Variants in LPP observed in about 807,000 individuals in gnomAD.
The protein encoded by LPP is lipoma-preferred partner.
In LPP, 38 loss-of-function variants were observed where a neutral mutation model predicts 60.4. That is an observed-to-expected ratio of 0.63 (90% confidence interval 0.49 to 0.83). LPP has a LOEUF of 0.83. LPP is among the 40% of genes least tolerant of loss of function. The pLI, the probability that LPP is intolerant of heterozygous loss-of-function variation, is 0.00. For synonymous variants in LPP, 328 were observed against 290.8 expected, an observed-to-expected ratio of 1.13 and a Z score of -1.30; for missense variants, 902 against 783.6, an observed-to-expected ratio of 1.15 and a Z score of -1.80.
At chr3:188,564,755 A>G (rs1252763313) in intron 6 of LPP, among the ~76,000 whole-genome samples, 1 of 151,944 alleles carries the variant, frequency 6.6e-6, no homozygotes, top group Non-Finnish European at 1.5e-5. Context: ...TGAGGACACA[A>G]CAGCAGCTGA....
At chr3:188,415,433 G>C (rs566978821) in intron 4 of LPP, among the ~76,000 whole-genome samples, 9 of 151,768 alleles carry the variant, frequency 5.9e-5, no homozygotes, top group East Asian at 3.9e-4. Context: ...ATACCCTTTG[G>C]CATTTAATCC....
chr3:188,325,586 C>T (rs1313251718), intron 2 of LPP, among the ~76,000 whole-genome samples: 1 of 151,966 alleles, frequency 6.6e-6, no homozygotes, highest in African/African-American at 2.4e-5. Flanking sequence ...CTTTTGTTTT[C>T]TTTATGTACA....
At chr3:188,738,221 C>T (rs1438070037) in intron 8 of LPP, among the ~76,000 whole-genome samples, 3 of 152,094 alleles carry the variant, frequency 2.0e-5, no homozygotes, top group Non-Finnish European at 2.9e-5. Flanking sequence ...TGATGATGAT[C>T]GGTCACGTTG....
intron 5 of LPP, among the ~76,000 whole-genome samples, chr3:188,498,889 T>A (rs906777079): frequency 3.3e-5 from 5 of 152,226 alleles, no homozygotes; most frequent in Admixed American, 2.0e-4. Flanking sequence ...TTTGCATTTC[T>A]CTAATGATTA....
At position 188,813,895 on chromosome 3, in the gene LPP, C is replaced by T. The variant is rs541899071; in HGVS notation, c.1411-52305C>T. Among the ~76,000 whole-genome samples, 9 of 152,120 alleles carry T rather than the reference C, an allele frequency of 5.9e-5. No homozygotes were observed. In the South Asian group the frequency reaches 1.2e-3, roughly 21 times the overall value. Reference sequence around the variant, plus strand: ...GACCAGCCTGGCCAACATGGTGAAACCCTGTCTCTACTAAAAACACAAAAA... The same window carrying T: ...GACCAGCCTGGCCAACATGGTGAAATCCTGTCTCTACTAAAAACACAAAAA... On this transcript the variant is annotated intron_variant, in intron 9 of 11. Transcript: ENST00000617246.
intron 4 of LPP, among the ~76,000 whole-genome samples, chr3:188,456,148 A>G: frequency 6.6e-6 from 1 of 152,174 alleles, no homozygotes; most frequent in Non-Finnish European, 1.5e-5. Context: ...CTCCCCAACC[A>G]CTGCGATTAC....
At position 188,816,480 on chromosome 3, in the gene LPP, C is replaced by T. The variant is rs578194497; in HGVS notation, c.1411-49720C>T. On this transcript the variant is annotated intron_variant, in intron 9 of 11. Transcript: ENST00000617246. ...CCTCCCAAAGTGCTGGGATTACAGG[C>T]GTGAGCCACCATGCCCGGCCTGAAT... Among the ~76,000 whole-genome samples the T allele has an allele frequency of 3.2e-4, 49 of 152,274 alleles. 1 individual carries two copies. Among genetic ancestry groups the T allele is most frequent in the Non-Finnish European group, 5.3e-4 (36 of 68,010 alleles).
At chr3:188,538,013 A>G (rs1346946343) in intron 6 of LPP, among the ~76,000 whole-genome samples, 2 of 152,208 alleles carry the variant, frequency 1.3e-5, no homozygotes, top group Non-Finnish European at 2.9e-5. Context: ...TTCTCAACAA[A>G]TGATGCTGGA....
intron 9 of LPP, among the ~76,000 whole-genome samples, chr3:188,776,044 C>G (rs1023479428): frequency 6.6e-6 from 1 of 152,254 alleles, no homozygotes; most frequent in Admixed American, 6.5e-5. Flanking sequence ...AAAGACTGTG[C>G]TCCGTGCTAT....
At chr3:188,247,020 T>C (rs1727205337) in intron 2 of LPP, 3 of 173,428 alleles carry the variant, frequency 1.7e-5, no homozygotes, top group African/African-American at 7.2e-5. Flanking sequence ...AGAATTCTAC[T>C]CAGTCAGTAC....
intron 9 of LPP, among the ~76,000 whole-genome samples, chr3:188,832,386 G>T (rs780222988): frequency 1.3e-5 from 2 of 152,044 alleles, no homozygotes; most frequent in East Asian, 3.9e-4. Flanking sequence ...AATGAATTCC[G>T]CCAATAATCT....
intron 7 of LPP, among the ~76,000 whole-genome samples, chr3:188,677,919 TGACA>T (rs1858488987): frequency 6.6e-6 from 1 of 152,012 alleles, no homozygotes; most frequent in Admixed American, 6.6e-5. Flanking sequence ...AATTTGGAAA[TGACA>T]GAGGACGCTG....
At chr3:188,477,987 G>A (rs915045838) in intron 4 of LPP, among the ~76,000 whole-genome samples, 1 of 152,180 alleles carries the variant, frequency 6.6e-6, no homozygotes, top group African/African-American at 2.4e-5. Context: ...TGAGGATGGA[G>A]TTGAAGTTGA....
chr3:188,154,327 G>C (rs1292350158), intron 1 of LPP, among the ~76,000 whole-genome samples, 75 bp downstream of exon 1: 1 of 152,040 alleles, frequency 6.6e-6, no homozygotes, highest in Non-Finnish European at 1.5e-5. Context: ...CTCCCCCGGC[G>C]CGAGCGCCTC....
In LPP at chr3:188,592,993, A is replaced by C. The variant is rs892671919; in HGVS notation, c.430-16168A>C. 1.9e-4 allele frequency among the ~76,000 whole-genome samples: 29 copies of C among 152,194 alleles called. 1 individual carries two copies. The highest frequency in any genetic ancestry group is 1.5e-5 in the Non-Finnish European group (1 of 68,036). On this transcript the variant is annotated intron_variant, in intron 6 of 11. Transcript: ENST00000617246. ...GTTGAACTCTCCTCTTACAATAATAAAAATTCTTCTTGAATAATTCTGTAT... is the reference window on the plus strand; with the variant it reads ...GTTGAACTCTCCTCTTACAATAATACAAATTCTTCTTGAATAATTCTGTAT...
chr3:188,372,280 T>C (rs1773505615), intron 3 of LPP, among the ~76,000 whole-genome samples: 1 of 152,138 alleles, frequency 6.6e-6, no homozygotes, highest in South Asian at 2.1e-4. Flanking sequence ...AATTATAAAT[T>C]AATATAAGAT....
chr3:188,501,624 C>T (rs896061865), intron 5 of LPP, among the ~76,000 whole-genome samples: 36 of 152,166 alleles, frequency 2.4e-4, no homozygotes, highest in Non-Finnish European at 4.3e-4. Context: ...TGGCGGGCAC[C>T]TGTAGTCCCA....
intron 1 of LPP, among the ~76,000 whole-genome samples, chr3:188,212,106 G>A (rs767471895): frequency 1.3e-5 from 2 of 151,984 alleles, no homozygotes; most frequent in Non-Finnish European, 2.9e-5. Flanking sequence ...TGATCCTCCC[G>A]CCTTGGTCTC....
intron 6 of LPP, among the ~76,000 whole-genome samples, chr3:188,559,614 A>C (rs1301620179): frequency 6.6e-6 from 1 of 152,072 alleles, no homozygotes; most frequent in Non-Finnish European, 1.5e-5. Context: ...GTTTCACTCA[A>C]GGCAGGAAGA....
Sources: allele counts gnomAD v4.1 joint callset (sites outside exome capture counted in the v4.1 genomes callset), GRCh38; gene constraint gnomAD v4.1.1; transcripts MANE v1.5; gene names NCBI Gene and HGNC (gene_info 2026-07-23, HGNC 2026-07-21).